CA10: variants seen among roughly 807,000 people sequenced by gnomAD.
The protein encoded by CA10 is carbonic anhydrase-related protein 10.
CA10 carries 14 observed loss-of-function variants against 44.2 expected under a neutral mutation model. That is an observed-to-expected ratio of 0.32 (90% CI 0.21 to 0.50). CA10 has a LOEUF of 0.50. CA10 is among the 20% of genes least tolerant of loss of function. The probability of loss-of-function intolerance (pLI) is 0.99; values close to 1 mark genes in which losing one functional copy is unlikely to be tolerated. For missense variants in CA10, 350 were observed against 409.7 expected, an observed-to-expected ratio of 0.85 and a Z score of 1.26; for synonymous variants, 159 against 141.6, an observed-to-expected ratio of 1.12 and a Z score of -0.87.
chr17:51,789,050 C>A (rs1906405844), intron 3 of CA10, among the ~76,000 whole-genome samples: 1 of 152,162 alleles, frequency 6.6e-6, no homozygotes, highest in African/African-American at 2.4e-5. Context: ...CTCTCAATCA[C>A]CCAGGCTGGA....
intron 2 of CA10, among the ~76,000 whole-genome samples, chr17:51,963,043 GAAGA>G (rs1308175228): frequency 3.9e-5 from 6 of 152,116 alleles, no homozygotes; most frequent in African/African-American, 1.4e-4. Context: ...TCAATGAAAT[GAAGA>G]AAGAGACAAA....
chr17:51,884,589 CTCTG>C (rs564812392), intron 3 of CA10, among the ~76,000 whole-genome samples: 70 of 152,344 alleles, frequency 4.6e-4, no homozygotes, highest in African/African-American at 1.7e-3. Flanking sequence ...CTCCTACCCT[CTCTG>C]TATTTCCGAA....
intron 1 of CA10, among the ~76,000 whole-genome samples, chr17:52,144,020 G>A (rs2143391720): frequency 6.6e-6 from 1 of 152,244 alleles, no homozygotes; most frequent in African/African-American, 2.4e-5. Context: ...GCAATCTCAG[G>A]AATAGCTCAG....
At chr17:52,097,060 C>A (rs1292100007) in intron 1 of CA10, among the ~76,000 whole-genome samples, 1 of 152,122 alleles carries the variant, frequency 6.6e-6, no homozygotes, top group Non-Finnish European at 1.5e-5. Flanking sequence ...AATTATGCTG[C>A]AATGAATATC....
At chr17:52,081,809 A>AAAAAAAATT (rs1567727104) in intron 1 of CA10, among the ~76,000 whole-genome samples, 1 of 151,844 alleles carries the variant, frequency 6.6e-6, no homozygotes. Flanking sequence ...CAAAAAAAAA[A>AAAAAAAATT]AAAAAAAAAA....
chr17:51,725,077 T>A (rs1456246607), intron 4 of CA10, among the ~76,000 whole-genome samples: 1 of 152,140 alleles, frequency 6.6e-6, no homozygotes, highest in African/African-American at 2.4e-5. Context: ...CTCGAAGAGG[T>A]GAAGTCTAAG....
chr17:51,810,121 T>C (rs528698077), intron 3 of CA10, among the ~76,000 whole-genome samples: 1 of 152,332 alleles, frequency 6.6e-6, no homozygotes, highest in Admixed American at 6.5e-5. Flanking sequence ...TCATTTCCCA[T>C]AGACCCCAAT....
intron 2 of CA10, among the ~76,000 whole-genome samples, chr17:52,004,003 A>C (rs1985516266): frequency 6.6e-6 from 1 of 151,832 alleles, no homozygotes; most frequent in Non-Finnish European, 1.5e-5. Context: ...GACAACCACC[A>C]AAAATAACAT....
Position 52,017,392 on chromosome 17 carries a change from C to T in CA10, c.136+54927G>A, listed in dbSNP as rs551397348. ...AGTGAAGGCCAGGCTAATTAAGTCT[C>T]ATATGAAAATGAGGAAGTTATTGGG... On this transcript the variant is annotated intron_variant, in intron 2 of 8. Transcript: ENST00000451037. 3.9e-5 allele frequency among the ~76,000 whole-genome samples: 6 copies of T among 152,180 alleles called. No homozygotes were observed. The East Asian group carries it at 1.2e-3, about 30-fold the overall frequency.
chr17:51,764,833 G>A (rs1370745082), intron 3 of CA10, among the ~76,000 whole-genome samples: 1 of 152,148 alleles, frequency 6.6e-6, no homozygotes, highest in Non-Finnish European at 1.5e-5. Context: ...TATAGGGATG[G>A]GGGCAGAGGC....
chr17:51,668,378 C>T (rs573615620), intron 4 of CA10, among the ~76,000 whole-genome samples: 1 of 152,352 alleles, frequency 6.6e-6, no homozygotes, highest in Admixed American at 6.5e-5. Context: ...ATGCATCTTC[C>T]TGCCCACTTC....
At chr17:52,011,992 C>T (rs890228878) in intron 2 of CA10, among the ~76,000 whole-genome samples, 1 of 151,908 alleles carries the variant, frequency 6.6e-6, no homozygotes, top group Non-Finnish European at 1.5e-5. Flanking sequence ...AAGGTGAGTG[C>T]AAATCTGGGA....
In CA10 at chr17:51,748,371, G is replaced by T. The variant is rs1904780777; in HGVS notation, c.280-553C>A. ...AATCCTCATAGCTTGTGGGCCTCAA[G>T]TGGTAAACTAAAGGGATTCACTCAA... is the stretch of plus-strand genomic sequence containing the variant. On this transcript the variant is annotated intron_variant, in intron 3 of 8. Transcript: ENST00000451037. The T allele has an allele frequency of 9.5e-6, 5 of 523,592 alleles. No homozygotes were observed. The South Asian group carries it at 4.1e-4, about 43-fold the overall frequency. The allele number at this position is 523,592 out of a possible 1,614,324, so 32.4% of individuals were successfully genotyped here.
chr17:51,694,012 C>A (rs1339311763), intron 4 of CA10, among the ~76,000 whole-genome samples: 1 of 152,082 alleles, frequency 6.6e-6, no homozygotes, highest in African/African-American at 2.4e-5. Context: ...CGAGACCAGC[C>A]TGACCAACAT....
At chr17:51,770,026 A>C (rs985187464) in intron 3 of CA10, among the ~76,000 whole-genome samples, 2 of 152,038 alleles carry the variant, frequency 1.3e-5, no homozygotes, top group African/African-American at 4.8e-5. Context: ...CTAGACAGGA[A>C]GGAGATCTAG....
intron 1 of CA10, among the ~76,000 whole-genome samples, chr17:52,141,566 G>T (rs1989480072): frequency 6.6e-6 from 1 of 152,196 alleles, no homozygotes. Flanking sequence ...GGTCTCTGTT[G>T]CAACTACTCA....
chr17:51,976,908 G>A (rs770797863), intron 2 of CA10, among the ~76,000 whole-genome samples: 2 of 151,866 alleles, frequency 1.3e-5, no homozygotes, highest in Non-Finnish European at 2.9e-5. Context: ...ACATTATAAA[G>A]ATGATAAAGA....
chr17:52,003,397 A>G (rs1005925590), intron 2 of CA10, among the ~76,000 whole-genome samples: 4 of 151,890 alleles, frequency 2.6e-5, no homozygotes, highest in African/African-American at 9.7e-5. Context: ...ACATTGTAAG[A>G]GCCAGATTGC....
intron 3 of CA10, among the ~76,000 whole-genome samples, chr17:51,868,930 T>C (rs1348513653): frequency 1.3e-5 from 2 of 151,540 alleles, no homozygotes; most frequent in African/African-American, 2.4e-5. Context: ...AAAGGTGACA[T>C]GCACACACAA....
Sources: allele counts gnomAD v4.1 joint callset (sites outside exome capture counted in the v4.1 genomes callset), GRCh38; gene constraint gnomAD v4.1.1; transcripts MANE v1.5; gene names NCBI Gene and HGNC (gene_info 2026-07-23, HGNC 2026-07-21).